ZCCHC7: variants seen among roughly 807,000 people sequenced by gnomAD.
The protein encoded by ZCCHC7 is zinc finger CCHC-type containing 7, also known as zinc finger CCHC domain-containing protein 7.
A neutral mutation model predicts 52.0 loss-of-function variants in ZCCHC7; 35 were observed. That is an observed-to-expected ratio of 0.67 (90% CI 0.51 to 0.89). The LOEUF (loss-of-function observed/expected upper bound fraction) is 0.89. Ranked by LOEUF, ZCCHC7 falls within the 40% of genes least tolerant of loss-of-function variation. ZCCHC7 has a pLI of 0.00. For synonymous variants in ZCCHC7, 217 were observed against 221.5 expected (o/e 0.98, Z 0.18); for missense variants, 574 against 649.1 (o/e 0.88, Z 1.26).
intron 2 of ZCCHC7, among the ~76,000 whole-genome samples, chr9:37,280,867 C>T (rs1343707212): frequency 2.0e-5 from 3 of 151,894 alleles, no homozygotes. Flanking sequence ...CTCCCAGACT[C>T]AGGTCTTTTT....
intron 5 of ZCCHC7, among the ~76,000 whole-genome samples, chr9:37,324,885 A>C (rs1830179064): frequency 6.6e-6 from 1 of 152,164 alleles, no homozygotes. Flanking sequence ...TCTATTGAGC[A>C]CTTGAGTCTT....
At chr9:37,249,456 C>CTTTTTTTTTTTTTTTTTTT (rs60166399) in intron 2 of ZCCHC7, among the ~76,000 whole-genome samples, 712 of 111,188 alleles carry the variant, frequency 6.4e-3, no homozygotes, top group African/African-American at 7.5e-3. Context: ...CTTCTTCTTC[C>CTTTTTTTTTTTTTTTTTTT]TTTTTTTTTT....
intron 4 of ZCCHC7, 44 bp downstream of exon 4, chr9:37,304,357 A>G: frequency 1.2e-6 from 2 of 1,602,298 alleles, no homozygotes; most frequent in Non-Finnish European, 1.7e-6. Flanking sequence ...TGTAAACTCA[A>G]AATCTCAAGG....
intron 6 of ZCCHC7, among the ~76,000 whole-genome samples, chr9:37,345,180 C>T (rs1820882538): frequency 6.6e-6 from 1 of 152,218 alleles, no homozygotes; most frequent in Non-Finnish European, 1.5e-5. Flanking sequence ...TATAACCCAT[C>T]AGTAGCTTTT....
intron 2 of ZCCHC7, among the ~76,000 whole-genome samples, chr9:37,259,544 TAAG>T (rs1326188108): frequency 6.6e-6 from 1 of 152,200 alleles, no homozygotes; most frequent in Non-Finnish European, 1.5e-5. Context: ...ATGCCACTGT[TAAG>T]AACATTTTAT....
At chr9:37,254,878 A>G (rs1029661922) in intron 2 of ZCCHC7, among the ~76,000 whole-genome samples, 4 of 114,792 alleles carry the variant, frequency 3.5e-5, no homozygotes, top group African/African-American at 3.5e-5. Context: ...GGGATACTCA[A>G]CCTGTTCTTG....
At chr9:37,184,075 A>G (rs1301717044) in intron 2 of ZCCHC7, among the ~76,000 whole-genome samples, 1 of 152,204 alleles carries the variant, frequency 6.6e-6, no homozygotes, top group African/African-American at 2.4e-5. Flanking sequence ...CCACAGGAAG[A>G]GATACTCAAA....
At chr9:37,134,141 C>T (rs980254308) in intron 2 of ZCCHC7, among the ~76,000 whole-genome samples, 5 of 152,284 alleles carry the variant, frequency 3.3e-5, no homozygotes, top group African/African-American at 9.6e-5. Flanking sequence ...TACACTGGCT[C>T]CTAATTTTTT....
chr9:37,338,592 C>T (rs1397265603), intron 6 of ZCCHC7, among the ~76,000 whole-genome samples: 1 of 152,072 alleles, frequency 6.6e-6, no homozygotes, highest in East Asian at 1.9e-4. Flanking sequence ...ATAACTAAAG[C>T]AACACACGTT....
At position 37,200,916 on chromosome 9, in the gene ZCCHC7, C is replaced by T. The variant is rs1207410773; in HGVS notation, c.610+73974C>T. 3.3e-5 allele frequency among the ~76,000 whole-genome samples: 5 copies of T among 152,172 alleles called. No individual in the cohort carries two copies. The East Asian group carries it at 9.6e-4, about 29-fold the overall frequency. ...ATGAAAATGTTCTGTAATGTTAAGT[C>T]TTCATCACACTTTGTGTGACTTAAT... On this transcript the variant is annotated intron_variant, in intron 2 of 8. Coordinates refer to ENST00000336755, the MANE Select transcript of ZCCHC7 (RefSeq NM_032226.3).
chr9:37,229,432 C>T (rs997538431), intron 2 of ZCCHC7, among the ~76,000 whole-genome samples: 21 of 152,088 alleles, frequency 1.4e-4, no homozygotes, highest in African/African-American at 4.1e-4. Context: ...GATGGCATAG[C>T]CTCATGCACA....
At chr9:37,346,581 C>T (rs1036179504) in intron 6 of ZCCHC7, among the ~76,000 whole-genome samples, 1 of 152,098 alleles carries the variant, frequency 6.6e-6, no homozygotes, top group African/African-American at 2.4e-5. Context: ...GAGGCTGAAA[C>T]CCAAGGATTG....
intron 6 of ZCCHC7, among the ~76,000 whole-genome samples, chr9:37,328,704 G>T (rs958567464): frequency 6.6e-6 from 1 of 151,872 alleles, no homozygotes; most frequent in Admixed American, 6.6e-5. Flanking sequence ...AAAGGGCAAA[G>T]TTCTTTCAAA....
intron 2 of ZCCHC7, among the ~76,000 whole-genome samples, chr9:37,248,728 T>C (rs1009593315): frequency 5.3e-5 from 8 of 152,188 alleles, no homozygotes; most frequent in African/African-American, 1.2e-4. Context: ...TAAAAACTTA[T>C]TATGAGTGCT....
intron 2 of ZCCHC7, among the ~76,000 whole-genome samples, chr9:37,270,416 C>T (rs976410381): frequency 2.0e-5 from 3 of 151,788 alleles, no homozygotes; most frequent in Non-Finnish European, 2.9e-5. Context: ...GGAGGCTGGG[C>T]GCGGTGGCTC....
intron 5 of ZCCHC7, among the ~76,000 whole-genome samples, chr9:37,310,947 ACTCT>A (rs1321604044): frequency 7.1e-6 from 1 of 141,656 alleles, no homozygotes; most frequent in Non-Finnish European, 1.5e-5. Context: ...ACAGTGTAAG[ACTCT>A]CTCTTTTTAA....
intron 2 of ZCCHC7, among the ~76,000 whole-genome samples, chr9:37,185,922 TTTTA>T (rs146660938): frequency 2.4e-4 from 36 of 151,996 alleles, no homozygotes; most frequent in Admixed American, 1.0e-3. Flanking sequence ...CATTCATGCA[TTTTA>T]TTTATTTATT....
chr9:37,142,718 A>G (rs899837216), intron 2 of ZCCHC7, among the ~76,000 whole-genome samples: 4 of 151,754 alleles, frequency 2.6e-5, no homozygotes, highest in African/African-American at 9.7e-5. Flanking sequence ...ATGAGTTTGT[A>G]AAACTATTCC....
At chr9:37,259,201 G>A (rs1651206885) in intron 2 of ZCCHC7, among the ~76,000 whole-genome samples, 1 of 152,180 alleles carries the variant, frequency 6.6e-6, no homozygotes, top group African/African-American at 2.4e-5. Flanking sequence ...ACAGTTAAGA[G>A]TGCTAATGTT....
Sources: allele counts gnomAD v4.1 joint callset (sites outside exome capture counted in the v4.1 genomes callset), GRCh38; gene constraint gnomAD v4.1.1; transcripts MANE v1.5; gene names NCBI Gene and HGNC (gene_info 2026-07-23, HGNC 2026-07-21).